The following SBNO1 variants were observed in gnomAD, a reference collection of about 807,000 sequenced individuals.
The protein encoded by SBNO1 is protein strawberry notch homolog 1.
Under a neutral mutation model 173.6 loss-of-function variants are expected in SBNO1, and 23 were observed. The ratio of observed to expected loss-of-function variants is 0.13; its 90% confidence interval spans 0.10 to 0.19. The LOEUF (loss-of-function observed/expected upper bound fraction) is 0.19. Ranked by LOEUF, SBNO1 falls within the 10% of genes least tolerant of loss-of-function variation. The pLI is 1.00. For missense variants in SBNO1, 1,238 were observed against 1,671.2 expected (o/e 0.74, Z 4.52); for synonymous variants, 632 against 571.5 (o/e 1.11, Z -1.51).
chr12:123,312,700 G>A (rs1868738812), intron 24 of SBNO1, among the ~76,000 whole-genome samples: 1 of 146,568 alleles, frequency 6.8e-6, no homozygotes, highest in Admixed American at 6.8e-5. Context: ...GACAGCACGA[G>A]ACCCCGTCTC....
In SBNO1 at chr12:123,306,324, G is replaced by A. The variant is rs1313473472; in HGVS notation, c.3631-1605C>T. On this transcript the variant is annotated intron_variant, in intron 28 of 31. Transcript: ENST00000602398. ...TTCTGACATTGTTTTCCCAATGGCAGCACAGGCTACACACACTGAAAAGTA... is the reference window on the plus strand; with the variant it reads ...TTCTGACATTGTTTTCCCAATGGCAACACAGGCTACACACACTGAAAAGTA... Among the ~76,000 whole-genome samples, 3 of 152,130 alleles carry A rather than the reference G, an allele frequency of 2.0e-5. No homozygotes were observed. The South Asian group carries it at 6.2e-4, about 31-fold the overall frequency.
At chr12:123,355,456 T>C (rs763042664) in intron 1 of SBNO1, among the ~76,000 whole-genome samples, 4 of 152,020 alleles carry the variant, frequency 2.6e-5, no homozygotes, top group Non-Finnish European at 5.9e-5. Context: ...ATACAAAGAA[T>C]AGCCAGGTGT....
Position 123,311,060 on chromosome 12 carries a change from T to C in SBNO1, c.3290A>G (p.Asp1097Gly). ...VEDRSGILTL[D>G]KDYNNIGKFL... ...CACAAAGCTAATAGTAGTACCTTTA[T>C]CGAGAGTAAGAATTCCCGAGCGATC... Residue 1097 changes from aspartate (D) to glycine (G), a missense_variant, in exon 25 of 32, where the codon GAT (aspartate) becomes GGT (glycine). Asp to Gly is a moderately conservative substitution (Grantham distance 94). Transcript: ENST00000602398. 6.2e-7 allele frequency: 1 copy of C among 1,609,546 alleles called. No individual in the cohort carries two copies. The highest frequency in any genetic ancestry group is 8.5e-7 in the Non-Finnish European group (1 of 1,175,974).
At chr12:123,347,982 A>G (rs1873412089) in intron 3 of SBNO1, 47 bp downstream of exon 3, 1 of 1,212,736 alleles carries the variant, frequency 8.2e-7, no homozygotes, top group Non-Finnish European at 1.2e-6. Flanking sequence ...TTCTCACTAC[A>G]CTTCTAAACT....
chr12:123,355,070 G>A (rs1874289658), intron 1 of SBNO1, among the ~76,000 whole-genome samples: 1 of 151,794 alleles, frequency 6.6e-6, no homozygotes. Context: ...GCCCAGGCTG[G>A]AGTGCAGTGG....
chr12:123,346,803 A>G (rs1289575629), intron 3 of SBNO1, among the ~76,000 whole-genome samples: 1 of 151,318 alleles, frequency 6.6e-6, no homozygotes, highest in Admixed American at 6.6e-5. Flanking sequence ...TGGGGCTGGG[A>G]GCGGTGGCTC....
rs148512204 is a variant in SBNO1 at position 123,319,643 on chromosome 12, A to G, written c.2799+257T>C. Among the ~76,000 whole-genome samples the G allele has an allele frequency of 6.7e-3, 1,011 of 151,796 alleles. 6 individuals are homozygous for G. The highest frequency in any genetic ancestry group is 0.022 in the African/African-American group (903 of 41,366). ...AGGCTGGTCTCAAACTCCAGAGCTC[A>G]AGTGATCTGCCCACCTTGGCCTCCC... On this transcript the variant is annotated intron_variant, in intron 20 of 31. Transcript: ENST00000602398.
chr12:123,345,458 G>C lies in SBNO1; in HGVS notation c.350C>G (p.Thr117Ser), dbSNP rs759955398. 6.2e-7 allele frequency: 1 copy of C among 1,614,190 alleles called. No homozygotes were observed. Among genetic ancestry groups the C allele is most frequent in the South Asian group, 1.1e-5 (1 of 91,090 alleles). ...CTGGATAAACTTAGTTAAAGTGATG[G>C]TTTGCCTGTTGGTTGTTACAGGTGG... ...KTPPVTTNRQ[T>S]ITLTKFIQTT... The change falls in exon 4 of 32, where the codon ACC becomes AGC. Residue 117 changes from threonine (T) to serine (S), a missense_variant. Thr to Ser is a moderately conservative substitution (Grantham distance 58, BLOSUM62 1). Coordinates refer to ENST00000602398, the MANE Select transcript of SBNO1 (RefSeq NM_001167856.3).
Position 123,331,386 on chromosome 12 carries a change from A to G in SBNO1, c.910-11T>C, listed in dbSNP as rs1871188408. ...GAAAGTTTCATGTTGCTGAAAAACA[A>G]AAGGCTGGTAATTAATATAATCCTT... On this transcript the variant is annotated splice_polypyrimidine_tract_variant and intron_variant, in intron 7 of 31. Coordinates refer to ENST00000602398, the MANE Select transcript of SBNO1 (RefSeq NM_001167856.3). 6.2e-7 allele frequency: 1 copy of G among 1,612,674 alleles called. No homozygotes were observed. The highest frequency in any genetic ancestry group is 8.5e-7 in the Non-Finnish European group (1 of 1,179,322).
At position 123,293,372 on chromosome 12, in the gene SBNO1, G is replaced by C. The variant is rs763391303; in HGVS notation, c.*2536C>G. The stretch of plus-strand genomic sequence containing the variant: ...AGCCACCACGCCCGGCTACGAGTTG[G>C]GTTTTAACAGAAGAGGACCTTGAAT... On this transcript the variant is annotated 3_prime_UTR_variant, in exon 32 of 32. Transcript: ENST00000602398. The C allele has an allele frequency of 6.6e-5, 10 of 152,270 alleles. No homozygotes were observed. Among genetic ancestry groups the C allele is most frequent in the Non-Finnish European group, 1.3e-4 (9 of 68,038 alleles). The allele number at this position is 152,270 out of a possible 1,614,324, so 9.4% of individuals were successfully genotyped here. A position where few individuals can be genotyped will look rare whatever the true frequency, so the allele number is the denominator to read the frequency against.
intron 24 of SBNO1, among the ~76,000 whole-genome samples, chr12:123,311,695 T>C (rs534601910): frequency 3.8e-4 from 25 of 65,068 alleles, no homozygotes; most frequent in African/African-American, 1.1e-3. Flanking sequence ...AAGTAACCTA[T>C]CTATCTATCT....
chr12:123,302,523 C>G (rs914566014), intron 30 of SBNO1, among the ~76,000 whole-genome samples: 1 of 152,092 alleles, frequency 6.6e-6, no homozygotes, highest in Non-Finnish European at 1.5e-5. Context: ...GGATTACAGG[C>G]GTGAGCCACC....
At chr12:123,350,164 G>C in intron 2 of SBNO1, 146 bp downstream of exon 2, 1 of 839,654 alleles carries the variant, frequency 1.2e-6, no homozygotes, top group Non-Finnish European at 1.9e-6. Context: ...TGAGGCAGAA[G>C]GATGGTTTGA....
chr12:123,335,056 G>T (rs1051354224), intron 6 of SBNO1, among the ~76,000 whole-genome samples: 35 of 152,198 alleles, frequency 2.3e-4, no homozygotes, highest in African/African-American at 8.2e-4. Context: ...GCTGGGCATG[G>T]TGGTGGGACC....
intron 29 of SBNO1, among the ~76,000 whole-genome samples, 177 bp from the exon 30 acceptor site, chr12:123,303,077 C>G (rs2048835168): frequency 6.6e-6 from 1 of 152,156 alleles, no homozygotes; most frequent in African/African-American, 2.4e-5. Context: ...GCTGGTTCCT[C>G]TTATGTAATA....
At chr12:123,323,890 G>A (rs555196891) in intron 15 of SBNO1, 59 bp from the exon 16 acceptor site, 36 of 1,253,348 alleles carry the variant, frequency 2.9e-5, no homozygotes, top group Non-Finnish European at 3.8e-5. Flanking sequence ...TATATGTAAA[G>A]TATTATTAAA....
At chr12:123,353,151 A>G (rs1874076991) in intron 1 of SBNO1, among the ~76,000 whole-genome samples, 1 of 152,186 alleles carries the variant, frequency 6.6e-6, no homozygotes, top group South Asian at 2.1e-4. Flanking sequence ...CAACCTGAGG[A>G]AGAAAACCAT....
At chr12:123,316,155 C>G (rs1257858790) in intron 21 of SBNO1, among the ~76,000 whole-genome samples, 1 of 147,192 alleles carries the variant, frequency 6.8e-6, no homozygotes, top group South Asian at 2.1e-4. Flanking sequence ...GCATCATATA[C>G]TATAAAGTAT....
chr12:123,339,892 C>T (rs777291370), intron 5 of SBNO1, among the ~76,000 whole-genome samples: 4 of 152,066 alleles, frequency 2.6e-5, no homozygotes, highest in East Asian at 1.9e-4. Flanking sequence ...TTATTTTCAC[C>T]GAAGCACATA....
Sources: allele counts gnomAD v4.1 joint callset (sites outside exome capture counted in the v4.1 genomes callset), GRCh38; gene constraint gnomAD v4.1.1; transcripts MANE v1.5; gene names NCBI Gene and HGNC (gene_info 2026-07-23, HGNC 2026-07-21).